The following CEP128 variants were observed in gnomAD, a reference collection of about 807,000 sequenced individuals.
The protein encoded by CEP128 is centrosomal protein 128kDa.
A neutral mutation model predicts 156.7 loss-of-function variants in CEP128; 132 were observed. The ratio of observed to expected loss-of-function variants is 0.84; its 90% CI spans 0.73 to 0.97. The LOEUF (loss-of-function observed/expected upper bound fraction) is 0.97. CEP128 is among the 50% of genes least tolerant of loss of function. The probability of loss-of-function intolerance (pLI) is 0.00; values close to 1 mark genes in which losing one functional copy is unlikely to be tolerated. For missense variants in CEP128, 1,252 were observed against 1,281.9 expected, an observed-to-expected ratio of 0.98 and a Z score of 0.36; for synonymous variants, 469 against 448.9, an observed-to-expected ratio of 1.04 and a Z score of -0.57.
intron 22 of CEP128, 29 bp downstream of exon 22, chr14:80,530,780 C>G: frequency 6.6e-7 from 1 of 1,505,024 alleles, no homozygotes; most frequent in Non-Finnish European, 9.1e-7. Context: ...AGATAAAATA[C>G]TGAAAGAGAC....
Position 80,505,021 on chromosome 14 carries a change from C to A in CEP128, c.3073-1G>T. On this transcript the variant is annotated splice_acceptor_variant, in intron 23 of 24. Transcript: ENST00000555265. LOFTEE classifies it high-confidence loss of function. ...AACCTTCCAGAAAGGTTCTGTCACCCTAAGGAAAAAAAGGCACAGCATTTC... is the reference window on the plus strand; with the variant it reads ...AACCTTCCAGAAAGGTTCTGTCACCATAAGGAAAAAAAGGCACAGCATTTC... 1.3e-6 allele frequency: 2 copies of A among 1,558,270 alleles called. No individual in the cohort carries two copies. Among genetic ancestry groups the A allele is most frequent in the South Asian group, 1.2e-5 (1 of 84,168 alleles).
intron 19 of CEP128, among the ~76,000 whole-genome samples, chr14:80,665,422 A>C (rs900553876): frequency 1.3e-5 from 2 of 152,210 alleles, no homozygotes; most frequent in African/African-American, 4.8e-5. Context: ...GCTGGATTTA[A>C]TTGACTATCC....
At chr14:80,586,240 C>T (rs1363930025) in intron 19 of CEP128, among the ~76,000 whole-genome samples, 3 of 152,116 alleles carry the variant, frequency 2.0e-5, no homozygotes, top group Non-Finnish European at 4.4e-5. Flanking sequence ...AAGTGGAGGG[C>T]CTGGGGGCCA....
intron 2 of CEP128, among the ~76,000 whole-genome samples, chr14:80,931,217 T>C (rs749674336): frequency 2.0e-5 from 3 of 152,202 alleles, no homozygotes; most frequent in Admixed American, 6.5e-5. Context: ...GAAAACCACA[T>C]TGGTCATTTT....
At chr14:80,656,376 C>T (rs1292794626) in intron 19 of CEP128, among the ~76,000 whole-genome samples, 27 of 130,232 alleles carry the variant, frequency 2.1e-4, no homozygotes, top group African/African-American at 7.3e-4. Flanking sequence ...CAAGCGACAG[C>T]CCCCCTGCTT....
intron 23 of CEP128, among the ~76,000 whole-genome samples, chr14:80,510,893 T>C (rs1250417677): frequency 6.6e-6 from 1 of 152,020 alleles, no homozygotes; most frequent in Non-Finnish European, 1.5e-5. Context: ...CTTCATTCTA[T>C]TGCTATGATG....
At chr14:80,587,451 A>C (rs1431217674) in intron 19 of CEP128, among the ~76,000 whole-genome samples, 2 of 152,200 alleles carry the variant, frequency 1.3e-5, no homozygotes, top group Non-Finnish European at 2.9e-5. Flanking sequence ...AAAACATCCA[A>C]ATACAGGTAC....
intron 23 of CEP128, among the ~76,000 whole-genome samples, chr14:80,526,394 G>T (rs1468119629): frequency 6.6e-6 from 1 of 152,116 alleles, no homozygotes; most frequent in Non-Finnish European, 1.5e-5. Context: ...AGTGTCCTGT[G>T]CTGGCTCCAC....
intron 21 of CEP128, among the ~76,000 whole-genome samples, chr14:80,544,026 C>T (rs1889877782): frequency 6.6e-6 from 1 of 152,144 alleles, no homozygotes; most frequent in Admixed American, 6.6e-5. Flanking sequence ...GAACTGGATA[C>T]AGCATCCAGT....
Position 80,785,105 on chromosome 14 carries a change from G to T in CEP128, c.2001C>A (p.Asp667Glu). Residue 667 changes from aspartate to glutamate, a missense_variant, in exon 15 of 25, where the codon GAC becomes GAA. Physicochemically the swap from Asp to Glu is conservative, Grantham distance 45 (BLOSUM62 2). Transcript: ENST00000555265. Reference protein sequence around the residue: ...AKKAVLKDLSDLTAQAKSRDE... With the variant: ...AKKAVLKDLSELTAQAKSRDE... The stretch of plus-strand genomic sequence containing the variant: ...CCCTGGATTTTGCCTGTGCAGTGAG[G>T]TCAGAAAGGTCCTTAAGCACTGCTT... 6.2e-7 allele frequency: 1 copy of T among 1,614,158 alleles called. No individual in the cohort carries two copies. The highest frequency in any genetic ancestry group is 8.5e-7 in the Non-Finnish European group (1 of 1,179,986).
At chr14:80,594,850 T>C (rs183183200) in intron 19 of CEP128, among the ~76,000 whole-genome samples, 6 of 152,226 alleles carry the variant, frequency 3.9e-5, no homozygotes, top group Admixed American at 1.3e-4. Context: ...TGTGCAGAAA[T>C]AGGAACACTT....
intron 21 of CEP128, among the ~76,000 whole-genome samples, chr14:80,532,700 C>A (rs1231588132): frequency 6.6e-6 from 1 of 152,190 alleles, no homozygotes; most frequent in African/African-American, 2.4e-5. Flanking sequence ...CCATTGCTAT[C>A]CCCTTGGCAG....
intron 9 of CEP128, among the ~76,000 whole-genome samples, chr14:80,858,892 A>C (rs1474515091): frequency 2.0e-5 from 3 of 152,174 alleles, no homozygotes; most frequent in Non-Finnish European, 4.4e-5. Context: ...AAAAGTCAGG[A>C]AACAACAAGT....
chr14:80,696,872 G>A (rs887041220), intron 19 of CEP128, among the ~76,000 whole-genome samples: 4 of 152,088 alleles, frequency 2.6e-5, no homozygotes, highest in South Asian at 2.1e-4. Flanking sequence ...ACAGAGCGTC[G>A]TTTCTTTGTA....
intron 19 of CEP128, among the ~76,000 whole-genome samples, chr14:80,694,591 C>T (rs1338753134): frequency 6.6e-6 from 1 of 152,068 alleles, no homozygotes; most frequent in Non-Finnish European, 1.5e-5. Flanking sequence ...GAGTTCATGT[C>T]CTTTTCAGGG....
chr14:80,615,948 C>T (rs1893193942), intron 19 of CEP128, among the ~76,000 whole-genome samples: 1 of 152,152 alleles, frequency 6.6e-6, no homozygotes, highest in East Asian at 1.9e-4. Flanking sequence ...TAGATTGTCT[C>T]GATTTATATC....
At chr14:80,890,402 T>A (rs1488441001) in intron 8 of CEP128, among the ~76,000 whole-genome samples, 2 of 152,244 alleles carry the variant, frequency 1.3e-5, no homozygotes, top group Admixed American at 6.5e-5. Flanking sequence ...ATAGACTGGA[T>A]AAAGAAAATG....
intron 19 of CEP128, among the ~76,000 whole-genome samples, chr14:80,629,667 A>C (rs1328553378): frequency 6.6e-6 from 1 of 151,956 alleles, no homozygotes; most frequent in Non-Finnish European, 1.5e-5. Context: ...CTATAGGCCT[A>C]GGGTTTGCAC....
chr14:80,629,805 CA>C (rs996910962), intron 19 of CEP128, among the ~76,000 whole-genome samples: 2 of 151,934 alleles, frequency 1.3e-5, no homozygotes, highest in African/African-American at 4.8e-5. Context: ...TTTTGAGTCA[CA>C]TATTTCTGGG....
Sources: allele counts gnomAD v4.1 joint callset (sites outside exome capture counted in the v4.1 genomes callset), GRCh38; gene constraint gnomAD v4.1.1; transcripts MANE v1.5; gene names NCBI Gene and HGNC (gene_info 2026-07-23, HGNC 2026-07-21).